Variants in SRCAP observed in about 807,000 individuals in gnomAD.
SRCAP encodes the protein Snf2 related CREBBP activator protein.
Under a neutral mutation model 263.1 loss-of-function variants are expected in SRCAP, and 46 were observed. The observed-to-expected ratio is 0.17, with a 90% CI of 0.14 to 0.22. The LOEUF is 0.22. SRCAP is among the 10% of genes least tolerant of loss of function. The probability of loss-of-function intolerance (pLI) is 1.00; values close to 1 mark genes in which losing one functional copy is unlikely to be tolerated. For missense variants in SRCAP, 3,695 were observed against 4,181.9 expected (o/e 0.88, Z 3.21); for synonymous variants, 1,813 against 1,662.1 (o/e 1.09, Z -2.21).
chr16:30,720,674 C>A, intron 19 of SRCAP, 39 bp from the exon 20 acceptor site: 1 of 1,543,942 alleles, frequency 6.5e-7, no homozygotes, highest in Non-Finnish European at 8.8e-7. Context: ...CCCTTATTCT[C>A]CTTCTGTCCC....
rs1247583725 is a variant in SRCAP at position 30,733,756 on chromosome 16, G to A, written c.6452G>A (p.Arg2151His). 1 of 1,614,066 alleles carries A rather than the reference G, an allele frequency of 6.2e-7. No homozygotes were observed. ...ACCATGGATGCTCAGGCCCAGGACC[G>A]CTGTCACCGAATTGGCCAGACCCGG... Reference protein sequence around the residue: ...NPTMDAQAQDRCHRIGQTRDV... With the variant: ...NPTMDAQAQDHCHRIGQTRDV... Residue 2151 changes from arginine (R) to histidine (H), a missense_variant, in exon 29 of 34, where the codon CGC becomes CAC. Arg to His is a conservative substitution (Grantham distance 29). Transcript: ENST00000262518. The surrounding 1 kb of genome is among the most constrained non-coding windows in gnomAD (Gnocchi z 5.3).
chr16:30,724,223 C>T lies in SRCAP; in HGVS notation c.4799C>T (p.Pro1600Leu), dbSNP rs1378644590. 3 of 1,614,024 alleles carry T rather than the reference C, an allele frequency of 1.9e-6. No homozygotes were observed. The highest frequency in any genetic ancestry group is 2.2e-5 in the East Asian group (1 of 44,896). Reference protein sequence around the residue: ...MAAPQTAILAPSPAPPLAPLP... With the variant: ...MAAPQTAILALSPAPPLAPLP... Reference sequence around the variant, plus strand: ...GCTCCACAGACAGCAATTCTGGCTCCTTCTCCAGCTCCTCCTCTGGCTCCT... The same window carrying T: ...GCTCCACAGACAGCAATTCTGGCTCTTTCTCCAGCTCCTCCTCTGGCTCCT... Residue 1600 changes from proline to leucine, a missense_variant, in exon 25 of 34, where the codon CCT becomes CTT. Pro to Leu is a moderately conservative substitution (Grantham distance 98). This residue lies in a region of SRCAP where 1,347 missense variants were observed against 1,304.4 expected (regional missense o/e 1.03). Coordinates refer to ENST00000262518, the MANE Select transcript of SRCAP (RefSeq NM_006662.3).
chr16:30,738,485 C>A lies in SRCAP; in HGVS notation c.8445C>A (p.Ser2815=). ...GGCCCTGTGAAGCTGCTCCTTCATC[C>A]TCACTGCCCACTCCACCCCAGCAGC... The part of the protein sequence containing the change: ...IGGPCEAAPS[S]SLPTPPQQPF... Residue 2815 remains serine (S), a synonymous_variant, in exon 34 of 34, where the codon TCC becomes TCA. Transcript: ENST00000262518. 6.3e-7 allele frequency: 1 copy of A among 1,599,082 alleles called. No individual in the cohort carries two copies. Among genetic ancestry groups the A allele is most frequent in the Non-Finnish European group, 8.5e-7 (1 of 1,172,462 alleles).
rs1488393442 is a variant in SRCAP at position 30,722,282 on chromosome 16, G to A, written c.3702G>A (p.Leu1234=). ...RQLAVGQPRP[L]QRNVVHLVSA... is the part of the protein sequence containing the mutation. ...TTGCTGTGGGGCAGCCCCGCCCGCTGCAAAGTAGGTAAAACCCACCCCCTG... is the reference window on the plus strand; with the variant it reads ...TTGCTGTGGGGCAGCCCCGCCCGCTACAAAGTAGGTAAAACCCACCCCCTG... Residue 1234 remains leucine, a synonymous_variant, in exon 22 of 34, where the codon CTG becomes CTA. Coordinates refer to ENST00000262518, the MANE Select transcript of SRCAP (RefSeq NM_006662.3). 6.2e-7 allele frequency: 1 copy of A among 1,613,290 alleles called. No individual in the cohort carries two copies. The highest frequency in any genetic ancestry group is 2.2e-5 in the East Asian group (1 of 44,880).
intron 4 of SRCAP, among the ~76,000 whole-genome samples, chr16:30,705,067 G>A (rs1472150101): frequency 2.0e-5 from 3 of 152,168 alleles, no homozygotes; most frequent in Non-Finnish European, 4.4e-5. Flanking sequence ...TTGGGAGGCC[G>A]AGGCGGGTGG....
rs769957391 is a variant in SRCAP, at chr16:30,712,252, T to C, written c.1816-10T>C. On this transcript the variant is annotated splice_polypyrimidine_tract_variant and intron_variant, in intron 12 of 33. Coordinates refer to ENST00000262518, the MANE Select transcript of SRCAP (RefSeq NM_006662.3). ...TTTCCATTGTGTTACCTATATTTCC[T>C]CTCTGACAGGTAAAGACGCCCATTC... is the stretch of plus-strand genomic sequence containing the variant. 5.0e-6 allele frequency: 8 copies of C among 1,592,564 alleles called. No individual in the cohort carries two copies. The Admixed American group carries it at 1.4e-4, about 28-fold the overall frequency.
chr16:30,734,781 TTAAG>T (rs1241080867), intron 31 of SRCAP, among the ~76,000 whole-genome samples, 166 bp downstream of exon 31: 2 of 152,186 alleles, frequency 1.3e-5, no homozygotes, highest in Non-Finnish European at 2.9e-5. Flanking sequence ...GTTCACATGA[TTAAG>T]TAGGAAAAAA....
chr16:30,721,377 T>TCTACCACCACGGCAACTG lies in SRCAP; in HGVS notation c.3453_3470dup (p.Thr1153_Ala1158dup), dbSNP rs1567246629. 2 of 1,613,992 alleles carry TCTACCACCACGGCAACTG rather than the reference T, an allele frequency of 1.2e-6. No homozygotes were observed. The highest frequency in any genetic ancestry group is 8.5e-7 in the Non-Finnish European group (1 of 1,180,018). ...CCCTCCTGCTGCTGCCACCACCACT[T>TCTACCACCACGGCAACTG]CTACCACCACGGCAACTGCTACCAC... On this transcript the variant is annotated inframe_insertion, in exon 21 of 34. Transcript: ENST00000262518.
At position 30,724,419 on chromosome 16, in the gene SRCAP, A is replaced by G. The variant is rs755879910; in HGVS notation, c.4995A>G (p.Pro1665=). 1 of 1,614,140 alleles carries G rather than the reference A, an allele frequency of 6.2e-7. No homozygotes were observed. Among genetic ancestry groups the G allele is most frequent in the South Asian group, 1.1e-5 (1 of 91,078 alleles). The change falls in exon 25 of 34, where the codon CCA becomes CCG. Residue 1665 remains proline (P), a synonymous_variant. Coordinates refer to ENST00000262518, the MANE Select transcript of SRCAP (RefSeq NM_006662.3). ...LAPSSTQTML[P]APVPSPLPSP... The stretch of plus-strand genomic sequence containing the variant: ...CATCATCAACTCAAACTATGCTACC[A>G]GCCCCGGTTCCGTCACCTCTCCCGA...
intron 3 of SRCAP, 40 bp from the exon 4 acceptor site, chr16:30,704,024 G>C (rs746426119): frequency 6.3e-7 from 1 of 1,586,672 alleles, no homozygotes; most frequent in African/African-American, 1.3e-5. Context: ...TCAGCACAGT[G>C]CGAAGCATTT....
At chr16:30,709,055 G>C (rs116849262) in intron 6 of SRCAP, among the ~76,000 whole-genome samples, 1 of 152,074 alleles carries the variant, frequency 6.6e-6, no homozygotes, top group East Asian at 1.9e-4. Flanking sequence ...CTGACCTCAC[G>C]TGATCCTCCC....
chr16:30,701,696 C>T (rs1456620498), intron 3 of SRCAP, among the ~76,000 whole-genome samples: 2 of 149,184 alleles, frequency 1.3e-5, no homozygotes, highest in Admixed American at 6.8e-5. Context: ...ATGGCGCGAT[C>T]TCGGCTCACT....
chr16:30,721,017 C>A, intron 20 of SRCAP, 39 bp downstream of exon 20: 1 of 1,566,422 alleles, frequency 6.4e-7, no homozygotes, highest in Non-Finnish European at 8.6e-7. Flanking sequence ...CGTGGTGCTT[C>A]AGAAAGGTTG....
At chr16:30,727,171 G>A (rs1353303115) in intron 25 of SRCAP, among the ~76,000 whole-genome samples, 1 of 152,094 alleles carries the variant, frequency 6.6e-6, no homozygotes, top group East Asian at 1.9e-4. Context: ...ATCCTGCTGG[G>A]TGTGAAGTAG....
chr16:30,710,209 T>C, intron 8 of SRCAP, 81 bp downstream of exon 8: 1 of 1,466,964 alleles, frequency 6.8e-7, no homozygotes, highest in South Asian at 1.3e-5. Flanking sequence ...GGCTGTGAGG[T>C]TGGTTATGAG....
rs548995314 is a variant in SRCAP, at chr16:30,711,308, A to C, written c.1318+220A>C. 3.3e-5 allele frequency among the ~76,000 whole-genome samples: 5 copies of C among 152,310 alleles called. No individual in the cohort carries two copies. The South Asian group carries it at 8.3e-4, about 25-fold the overall frequency. On this transcript the variant is annotated intron_variant, in intron 10 of 33. Coordinates refer to ENST00000262518, the MANE Select transcript of SRCAP (RefSeq NM_006662.3). ...TGGGAGTGAAATGGAGGGAAGAGCT[A>C]ATGTAGGAAGATACTGACAGCATTT...
At chr16:30,726,138 C>T (rs2053062446) in intron 25 of SRCAP, 1 of 152,042 alleles carries the variant, frequency 6.6e-6, no homozygotes, top group South Asian at 2.1e-4. Flanking sequence ...ATGTGTGGTC[C>T]ATTGTGACTG....
At chr16:30,734,076 AT>A in intron 30 of SRCAP, 68 bp downstream of exon 30, 1 of 1,377,570 alleles carries the variant, frequency 7.3e-7, no homozygotes, top group Non-Finnish European at 1.0e-6. Flanking sequence ...CCTCCTGTTT[AT>A]TAAAGAAGAC....
intron 4 of SRCAP, among the ~76,000 whole-genome samples, chr16:30,704,809 T>G (rs567369846): frequency 2.0e-5 from 3 of 152,050 alleles, no homozygotes; most frequent in Admixed American, 2.0e-4. Context: ...GCCACTGCAC[T>G]CCAGCCTGAG....
Sources: gnomAD v4.1 joint callset for allele counts (sites outside exome capture counted in the v4.1 genomes callset) on GRCh38, gnomAD v4.1.1 for gene constraint, gnomAD v4.1.1 regional missense constraint, Gnocchi (gnomAD v3.1) non-coding constraint, MANE v1.5 for transcripts, NCBI Gene and HGNC (gene_info 2026-07-23, HGNC 2026-07-21) for gene names.